The following SP140 variants were observed in gnomAD, a reference collection of about 807,000 sequenced individuals.
SP140 encodes the protein SP140 nuclear body protein, also known as nuclear body protein SP140.
Under a neutral mutation model 125.0 loss-of-function variants are expected in SP140, and 81 were observed. The observed-to-expected ratio is 0.65, with a 90% CI of 0.54 to 0.78. The LOEUF (loss-of-function observed/expected upper bound fraction) is 0.78. Ranked by LOEUF, SP140 falls within the 30% of genes least tolerant of loss-of-function variation. The pLI, the probability that SP140 is intolerant of heterozygous loss-of-function variation, is 0.00. For missense variants in SP140, 858 were observed against 1,037.0 expected (o/e 0.83, Z 2.37); for synonymous variants, 312 against 354.0 (o/e 0.88, Z 1.33).
At chr2:230,249,146 T>A (rs866501634) in intron 9 of SP140, among the ~76,000 whole-genome samples, 178 bp downstream of exon 9, 1 of 152,150 alleles carries the variant, frequency 6.6e-6, no homozygotes, top group South Asian at 2.1e-4. Flanking sequence ...AGACAAAGGA[T>A]CAAGGTGAGC....
chr2:230,277,455 A>G (rs1290286336), intron 15 of SP140, among the ~76,000 whole-genome samples: 3 of 152,210 alleles, frequency 2.0e-5, no homozygotes, highest in African/African-American at 4.8e-5. Flanking sequence ...TAACTTTCAT[A>G]TGCACTGGGA....
intron 10 of SP140, among the ~76,000 whole-genome samples, chr2:230,252,812 C>T (rs56936337): frequency 0.47 from 71,110 of 150,870 alleles, 16,985 homozygotes; most frequent in African/African-American, 0.54. Flanking sequence ...TTGTGCAAGG[C>T]CAGCTGGGGG....
At chr2:230,214,935 G>A in intron 3 of SP140, 1 of 1,612,090 alleles carries the variant, frequency 6.2e-7, no homozygotes, top group Non-Finnish European at 8.5e-7. Context: ...AAAAGCACTT[G>A]AGAAATCTCA....
chr2:230,216,171 T>C (rs1574786806), intron 3 of SP140, among the ~76,000 whole-genome samples: 2 of 152,338 alleles, frequency 1.3e-5, no homozygotes, highest in Non-Finnish European at 2.9e-5. Flanking sequence ...GTGAGTTGAA[T>C]GTTGGATGGA....
chr2:230,222,632 G>A (rs1328681102), upstream of SP140, among the ~76,000 whole-genome samples: 1 of 151,700 alleles, frequency 6.6e-6, no homozygotes, highest in African/African-American at 2.4e-5. Flanking sequence ...ACAGAAGTGG[G>A]AGAATTGCTT....
intron 9 of SP140, 115 bp downstream of exon 9, chr2:230,249,083 T>C: frequency 2.8e-6 from 2 of 710,908 alleles, no homozygotes; most frequent in East Asian, 5.5e-5. Context: ...TTCGCATACA[T>C]ACAGATGGAA....
At chr2:230,296,636 G>T (rs866342651) in intron 21 of SP140, among the ~76,000 whole-genome samples, 2 of 152,212 alleles carry the variant, frequency 1.3e-5, no homozygotes, top group Non-Finnish European at 2.9e-5. Context: ...TAGGGGAGCT[G>T]CAGAAAGCAG....
upstream of SP140, among the ~76,000 whole-genome samples, chr2:230,201,572 G>A (rs774427793): frequency 7.9e-5 from 12 of 152,174 alleles, no homozygotes; most frequent in South Asian, 2.1e-4. Flanking sequence ...CTACCCTTGA[G>A]TACATATCTG....
the SP140 span, among the ~76,000 whole-genome samples, chr2:230,190,344 A>C: frequency 4.7e-3 from 183 of 39,090 alleles, 1 homozygote; most frequent in South Asian, 8.1e-3. Flanking sequence ...TGGCTACGTA[A>C]ATTTTTTTTT....
intron 12 of SP140, among the ~76,000 whole-genome samples, chr2:230,265,789 ACGGGG>A (rs554999592): frequency 7.8e-4 from 71 of 91,398 alleles, no homozygotes; most frequent in African/African-American, 2.7e-3. Flanking sequence ...TCTCAGTTTT[ACGGGG>A]GGGGGCGGTC....
intron 5 of SP140, among the ~76,000 whole-genome samples, chr2:230,244,385 A>G (rs1173169415): frequency 6.6e-6 from 1 of 152,230 alleles, no homozygotes; most frequent in Non-Finnish European, 1.5e-5. Flanking sequence ...AAGCAAGAAC[A>G]TGACCCACAT....
chr2:230,284,998 T>A (rs2056167678), intron 16 of SP140, among the ~76,000 whole-genome samples: 1 of 152,146 alleles, frequency 6.6e-6, no homozygotes, highest in African/African-American at 2.4e-5. Flanking sequence ...TATATTAAAA[T>A]ATTATAAATC....
intron 1 of SP140, among the ~76,000 whole-genome samples, chr2:230,213,250 C>T (rs2044695243): frequency 6.6e-6 from 1 of 152,026 alleles, no homozygotes; most frequent in Non-Finnish European, 1.5e-5. Context: ...GCATCTAAGC[C>T]CTGATCTAAT....
chr2:230,238,897 G>T (rs778959389), intron 3 of SP140: 2 of 1,550,942 alleles, frequency 1.3e-6, no homozygotes, highest in South Asian at 1.2e-5. Context: ...AGAAAAGGGG[G>T]TTGGTGGGGG....
chr2:230,285,644 G>C lies in SP140; in HGVS notation c.1565-108G>C, dbSNP rs1041089341. 5.5e-6 allele frequency: 5 copies of C among 901,684 alleles called. No homozygotes were observed. In the Admixed American group the frequency reaches 1.0e-4, roughly 18 times the overall value. 55.9% of individuals were successfully genotyped at this position (901,684 alleles called of 1,614,324 possible). On this transcript the variant is annotated intron_variant, in intron 16 of 26. Coordinates refer to ENST00000392045, the MANE Select transcript of SP140 (RefSeq NM_007237.5). ...CAAAAAATGCTCTGGACACCTGCTC[G>C]AGGGGATCCAGAATGAGACCCAGGA...
intron 3 of SP140, chr2:230,219,843 G>C: frequency 1.1e-6 from 1 of 900,040 alleles, no homozygotes; most frequent in Non-Finnish European, 1.3e-6. Context: ...CACCAAGAGC[G>C]AAGAATAAAG....
intron 12 of SP140, among the ~76,000 whole-genome samples, chr2:230,259,764 A>G (rs2051874492): frequency 8.5e-6 from 1 of 117,026 alleles, no homozygotes; most frequent in Non-Finnish European, 1.8e-5. Flanking sequence ...GCTGCGTAGT[A>G]TTCCATCATA....
At chr2:230,253,915 G>A (rs758790589) in intron 11 of SP140, among the ~76,000 whole-genome samples, 6 of 152,138 alleles carry the variant, frequency 3.9e-5, no homozygotes, top group African/African-American at 7.2e-5. Context: ...CTGCGTAAAC[G>A]GAAGAACTTT....
upstream of SP140, chr2:230,225,674 G>C: frequency 1.5e-6 from 1 of 675,736 alleles, no homozygotes; most frequent in South Asian, 1.6e-5. Flanking sequence ...CATGGAGATT[G>C]GGTGGAGGGA....
Sources: allele counts gnomAD v4.1 joint callset (sites outside exome capture counted in the v4.1 genomes callset), GRCh38; gene constraint gnomAD v4.1.1; transcripts MANE v1.5; gene names NCBI Gene and HGNC (gene_info 2026-07-23, HGNC 2026-07-21).